The following NANOS3 variants were observed in gnomAD, a reference collection of about 807,000 sequenced individuals.
NANOS3 encodes nanos homolog 3.
A neutral mutation model predicts 13.8 loss-of-function variants in NANOS3; 11 were observed. The ratio of observed to expected loss-of-function variants is 0.80; its 90% CI spans 0.50 to 1.32. The LOEUF (loss-of-function observed/expected upper bound fraction) is 1.32, where lower values mean the gene tolerates loss of function less well. NANOS3 is among the 40% of genes most tolerant of loss of function. The probability of loss-of-function intolerance (pLI) is 0.00; values close to 1 mark genes in which losing one functional copy is unlikely to be tolerated. For synonymous variants in NANOS3, 119 were observed against 115.4 expected (o/e 1.03, Z -0.20); for missense variants, 221 against 263.8 (o/e 0.84, Z 1.12).
chr19:13,864,169 G>A (rs1350451762), upstream of NANOS3, among the ~76,000 whole-genome samples: 5 of 151,804 alleles, frequency 3.3e-5, no homozygotes, highest in Non-Finnish European at 5.9e-5. Flanking sequence ...GCCAGGGTAC[G>A]ATCATTCCAG....
At chr19:13,870,084 C>G (rs1459946788) in intron 1 of NANOS3, among the ~76,000 whole-genome samples, 1 of 151,776 alleles carries the variant, frequency 6.6e-6, no homozygotes, top group African/African-American at 2.4e-5. Flanking sequence ...GGGTCTCACT[C>G]CTGTAGCCTG....
At chr19:13,863,774 G>A (rs1976191113), upstream of NANOS3, among the ~76,000 whole-genome samples, 1 of 152,120 alleles carries the variant, frequency 6.6e-6, no homozygotes, top group South Asian at 2.1e-4. Context: ...GAGTGGTCCT[G>A]GAGACATCCA....
chr19:13,875,787 C>G (rs1035763850), upstream of NANOS3, among the ~76,000 whole-genome samples: 7 of 152,108 alleles, frequency 4.6e-5, no homozygotes, highest in Non-Finnish European at 1.0e-4. Flanking sequence ...TAGGTTCAAG[C>G]AATCCTCCTC....
rs1968543683 is a variant in NANOS3, at chr19:13,877,671, C to T, written c.423C>T (p.His141=). The change falls in exon 1 of 2, where the codon CAC becomes CAT. Residue 141 remains histidine (H), a synonymous_variant. Coordinates refer to ENST00000339133, the MANE Select transcript of NANOS3 (RefSeq NM_001098622.3). ...AGGGCTACACCTCCGTCTACAGCCA[C>T]ACCACCCGAAACTCGGCAGGCAAGA... ...TGQGYTSVYS[H]TTRNSAGKKL... The T allele has an allele frequency of 6.2e-7, 1 of 1,612,218 alleles. No individual in the cohort carries two copies. Among genetic ancestry groups the T allele is most frequent in the African/African-American group, 1.3e-5 (1 of 75,054 alleles).
upstream of NANOS3, among the ~76,000 whole-genome samples, chr19:13,874,381 A>C (rs60698372): frequency 6.6e-6 from 1 of 152,200 alleles, no homozygotes; most frequent in Non-Finnish European, 1.5e-5. Flanking sequence ...TCGGACTAGC[A>C]GTGGCCTTTG....
chr19:13,866,355 A>G (rs1316634523), intron 1 of NANOS3, among the ~76,000 whole-genome samples: 2 of 133,976 alleles, frequency 1.5e-5, no homozygotes, highest in South Asian at 2.6e-4. Context: ...CCCTCCCCCC[A>G]TCTCTTTCCC....
intron 1 of NANOS3, among the ~76,000 whole-genome samples, chr19:13,879,763 G>A (rs1968592972): frequency 6.6e-6 from 1 of 150,948 alleles, no homozygotes; most frequent in Non-Finnish European, 1.5e-5. Flanking sequence ...GGTGGCTCAT[G>A]CCTGTAATCC....
chr19:13,878,472 C>T (rs62122075), intron 1 of NANOS3, among the ~76,000 whole-genome samples: 1 of 152,262 alleles, frequency 6.6e-6, no homozygotes, highest in African/African-American at 2.4e-5. Context: ...CTCCCAACCT[C>T]GTGATCCACC....
upstream of NANOS3, among the ~76,000 whole-genome samples, chr19:13,873,543 A>T (rs1287868645): frequency 1.3e-5 from 2 of 152,004 alleles, no homozygotes; most frequent in African/African-American, 4.8e-5. Flanking sequence ...ATCACGGCTC[A>T]CTGCAGCCTC....
upstream of NANOS3, among the ~76,000 whole-genome samples, chr19:13,872,299 C>T (rs1042467669): frequency 6.2e-5 from 9 of 144,440 alleles, no homozygotes; most frequent in African/African-American, 2.3e-4. Context: ...GGGCAGAGAT[C>T]GCGCCACTGC....
chr19:13,866,032 G>A (rs1976233738), intron 1 of NANOS3, among the ~76,000 whole-genome samples: 1 of 152,114 alleles, frequency 6.6e-6, no homozygotes. Flanking sequence ...CGCGGGCTGG[G>A]GGTGCTGCAG....
In NANOS3 at chr19:13,868,130, C is replaced by T. The variant is rs533450054; in HGVS notation, n.21+2693C>T. ...CTGGAGTGCAGTGACACAATCTCAG[C>T]TCACTGCAATCTCCAACTCCCAGGT... On this transcript the variant is annotated intron_variant and non_coding_transcript_variant, in intron 1 of 2. Coordinates refer to the NANOS3 transcript ENST00000591161. Among the ~76,000 whole-genome samples, 13 of 151,942 alleles carry T rather than the reference C, an allele frequency of 8.6e-5. 1 individual carries two copies. The South Asian group carries it at 1.9e-3, about 22-fold the overall frequency.
chr19:13,875,123 T>C, upstream of NANOS3: 1 of 356,166 alleles, frequency 2.8e-6, no homozygotes, highest in Admixed American at 3.0e-5. Context: ...GGGCTCTGGC[T>C]GGATTTGGGA....
At chr19:13,863,781 T>G (rs1175651053), upstream of NANOS3, among the ~76,000 whole-genome samples, 1 of 151,930 alleles carries the variant, frequency 6.6e-6, no homozygotes, top group African/African-American at 2.4e-5. Flanking sequence ...CCTGGAGACA[T>G]CCACTCTCCT....
intron 1 of NANOS3, among the ~76,000 whole-genome samples, chr19:13,870,325 C>T (rs969581817): frequency 6.6e-6 from 1 of 152,100 alleles, no homozygotes; most frequent in African/African-American, 2.4e-5. Flanking sequence ...AGTCAGTCTT[C>T]CTGCTTTGGC....
chr19:13,863,124 T>C (rs979409668), upstream of NANOS3, among the ~76,000 whole-genome samples: 1 of 152,204 alleles, frequency 6.6e-6, no homozygotes, highest in African/African-American at 2.4e-5. Flanking sequence ...AATGAGTGAA[T>C]GAATAAATGT....
intron 1 of NANOS3, among the ~76,000 whole-genome samples, chr19:13,871,890 T>C (rs902787554): frequency 6.6e-6 from 1 of 151,956 alleles, no homozygotes; most frequent in African/African-American, 2.4e-5. Context: ...TCCCAGCTAC[T>C]TGGGAAGCTA....
At chr19:13,865,487 C>T (rs1288468545) in intron 1 of NANOS3, 6 of 143,352 alleles carry the variant, frequency 4.2e-5, no homozygotes, top group African/African-American at 1.5e-4. Context: ...GCGGGGGCCG[C>T]CCGCGGGCAG....
At chr19:13,875,132 G>A, upstream of NANOS3, 2 of 343,718 alleles carry the variant, frequency 5.8e-6, no homozygotes, top group Non-Finnish European at 1.2e-5. Context: ...CTGGATTTGG[G>A]ACTAAATATT....
Sources: gnomAD v4.1 joint callset for allele counts (sites outside exome capture counted in the v4.1 genomes callset) on GRCh38, gnomAD v4.1.1 for gene constraint, MANE v1.5 for transcripts, NCBI Gene and HGNC (gene_info 2026-07-23, HGNC 2026-07-21) for gene names.